Variants in UNC45B observed in about 807,000 individuals in gnomAD.
UNC45B encodes the protein unc-45 myosin chaperone B.
In UNC45B, 78 loss-of-function variants were observed where a neutral mutation model predicts 98.7. The ratio of observed to expected loss-of-function variants is 0.79; its 90% CI spans 0.66 to 0.95. The LOEUF (loss-of-function observed/expected upper bound fraction) is 0.95, where lower values mean the gene tolerates loss of function less well. Ranked by LOEUF, UNC45B falls within the 40% of genes least tolerant of loss-of-function variation. UNC45B has a pLI of 0.00. For synonymous variants in UNC45B, 462 were observed against 480.4 expected, an observed-to-expected ratio of 0.96 and a Z score of 0.50; for missense variants, 1,225 against 1,184.9, an observed-to-expected ratio of 1.03 and a Z score of -0.50.
rs191194153 is a variant in UNC45B at position 35,173,346 on chromosome 17, G to A, written c.1831-896G>A. Among the ~76,000 whole-genome samples, 66 of 151,836 alleles carry A rather than the reference G, an allele frequency of 4.3e-4. No individual in the cohort carries two copies. In the Middle Eastern group the frequency reaches 0.017, roughly 39 times the overall value. ...TCGCCATGTTGCCCAGGCTGGTCTC[G>A]AACTCCTGGGCTCAAGTGGTCCACC... is the stretch of plus-strand genomic sequence containing the variant. On this transcript the variant is annotated intron_variant, in intron 13 of 19. Coordinates refer to ENST00000394570, the MANE Select transcript of UNC45B (RefSeq NM_001267052.2).
Position 35,155,378 on chromosome 17 carries a change from T to C in UNC45B, c.722T>C (p.Val241Ala), listed in dbSNP as rs1369189946. The change falls in exon 7 of 20, where the codon GTC (valine) becomes GCC (alanine). Residue 241 changes from valine to alanine, a missense_variant. Coordinates refer to ENST00000394570, the MANE Select transcript of UNC45B (RefSeq NM_001267052.2). ...GAGAATGAGGAGATGTCTCTGGCTG[T>C]CTGCAACCTGCTCCAAGCCATCATT... ...AVENEEMSLA[V>A]CNLLQAIIDS... The C allele has an allele frequency of 1.2e-6, 2 of 1,614,072 alleles. No individual in the cohort carries two copies. The highest frequency in any genetic ancestry group is 1.1e-5 in the South Asian group (1 of 91,088).
At chr17:35,156,545 G>A (rs2092063153) in intron 7 of UNC45B, among the ~76,000 whole-genome samples, 1 of 152,152 alleles carries the variant, frequency 6.6e-6, no homozygotes, top group Non-Finnish European at 1.5e-5. Context: ...AGAATCGTTT[G>A]AGCCGGGGAG....
At chr17:35,164,298 G>A in intron 9 of UNC45B, 132 bp downstream of exon 9, 1 of 1,165,352 alleles carries the variant, frequency 8.6e-7, no homozygotes, top group Non-Finnish European at 1.2e-6. Flanking sequence ...AAATTTGGGA[G>A]TGGTTTGGCT....
chr17:35,163,181 C>A (rs2092113479), intron 8 of UNC45B, among the ~76,000 whole-genome samples: 1 of 152,192 alleles, frequency 6.6e-6, no homozygotes, highest in Admixed American at 6.5e-5. Context: ...GCTCTTGGCA[C>A]GTAGTAAGTG....
chr17:35,178,936 C>T (rs1347195903), intron 17 of UNC45B, among the ~76,000 whole-genome samples: 6 of 152,186 alleles, frequency 3.9e-5, no homozygotes, highest in African/African-American at 1.2e-4. Flanking sequence ...GTTTTGGTTA[C>T]TGTAGCCTTG....
Position 35,186,281 on chromosome 17 carries a change from C to A in UNC45B, c.2530-18C>A, listed in dbSNP as rs78487791. ...CACTCAAACCTAGCACCTTCCTTAC[C>A]TTTTTCCCTGCCTCCAGACAACCCA... On this transcript the variant is annotated intron_variant, in intron 19 of 19. Transcript: ENST00000394570. 543 of 1,612,428 alleles carry A rather than the reference C, an allele frequency of 3.4e-4. 5 individuals are homozygous for A. The East Asian group carries it at 0.011, about 32-fold the overall frequency.
At position 35,168,205 on chromosome 17, in the gene UNC45B, A is replaced by G; in HGVS notation, c.1296A>G (p.Ser432=). 1 of 1,602,380 alleles carries G rather than the reference A, an allele frequency of 6.2e-7. No individual in the cohort carries two copies. The highest frequency in any genetic ancestry group is 1.1e-5 in the South Asian group (1 of 89,426). Residue 432 remains serine (S), a synonymous_variant, in exon 10 of 20, where the codon TCA becomes TCG. Transcript: ENST00000394570. ...AGATGATGGTGGCACTATGTGGCTCAGAGCGCGAGACGGACCAGCTGGTGG... is the reference window on the plus strand; with the variant it reads ...AGATGATGGTGGCACTATGTGGCTCGGAGCGCGAGACGGACCAGCTGGTGG... ...VMEMMVALCG[S]ERETDQLVAV...
At chr17:35,170,852 T>C (rs1448966362) in intron 12 of UNC45B, among the ~76,000 whole-genome samples, 1 of 151,870 alleles carries the variant, frequency 6.6e-6, no homozygotes, top group African/African-American at 2.4e-5. Context: ...AATAAATAAA[T>C]AAAAGAGGCT....
intron 12 of UNC45B, among the ~76,000 whole-genome samples, chr17:35,170,533 A>AT: frequency 6.9e-6 from 1 of 145,132 alleles, no homozygotes; most frequent in Non-Finnish European, 1.5e-5. Context: ...GGCAGCTAAA[A>AT]AAAAAAAAAA....
At chr17:35,154,766 T>C in intron 6 of UNC45B, 25 bp downstream of exon 6, 1 of 1,553,224 alleles carries the variant, frequency 6.4e-7, no homozygotes, top group Non-Finnish European at 8.6e-7. Flanking sequence ...GTGGGGCATG[T>C]GGAGCAGACG....
In UNC45B at chr17:35,170,226, G is replaced by A. The variant is rs970516286; in HGVS notation, c.1660G>A (p.Ala554Thr). ...VKDDFVQDVPALQAMFELAKT... is the reference protein window; with the variant it reads ...VKDDFVQDVPTLQAMFELAKT... ...GGACGACTTTGTCCAGGACGTCCCTGCCCTGCAGGCCATGTTTGAGCTGGC... is the reference window on the plus strand; with the variant it reads ...GGACGACTTTGTCCAGGACGTCCCTACCCTGCAGGCCATGTTTGAGCTGGC... The change falls in exon 12 of 20, where the codon GCC (alanine) becomes ACC (threonine). Residue 554 changes from alanine (A) to threonine (T), a missense_variant. Physicochemically the swap from Ala to Thr is moderately conservative, Grantham distance 58. Coordinates refer to ENST00000394570, the MANE Select transcript of UNC45B (RefSeq NM_001267052.2). The A allele has an allele frequency of 1.6e-5, 26 of 1,612,290 alleles. No individual in the cohort carries two copies. Among genetic ancestry groups the A allele is most frequent in the Non-Finnish European group, 4.2e-6 (5 of 1,178,818 alleles).
intron 14 of UNC45B, 116 bp downstream of exon 14, chr17:35,174,485 T>C (rs532329699): frequency 1.1e-5 from 16 of 1,426,976 alleles, no homozygotes; most frequent in East Asian, 7.3e-5. Flanking sequence ...AGATAAACTA[T>C]TGGGAAAGCC....
intron 10 of UNC45B, 83 bp downstream of exon 10, chr17:35,168,444 C>A: frequency 8.2e-7 from 1 of 1,224,726 alleles, no homozygotes; most frequent in Non-Finnish European, 1.0e-6. Flanking sequence ...TGAGTTGAGG[C>A]TGCTGTCCTT....
At chr17:35,158,627 C>G (rs570594916) in intron 7 of UNC45B, among the ~76,000 whole-genome samples, 1 of 152,360 alleles carries the variant, frequency 6.6e-6, no homozygotes, top group Admixed American at 6.5e-5. Flanking sequence ...TAGCTTCCAT[C>G]TGCCTCTGGT....
intron 12 of UNC45B, among the ~76,000 whole-genome samples, chr17:35,170,906 C>G (rs534794561): frequency 6.6e-6 from 1 of 152,116 alleles, no homozygotes; most frequent in Non-Finnish European, 1.5e-5. Context: ...CCAGGCCCCC[C>G]CAGACTCCTT....
chr17:35,172,941 C>G (rs1317747706), intron 13 of UNC45B, among the ~76,000 whole-genome samples: 1 of 152,140 alleles, frequency 6.6e-6, no homozygotes, highest in African/African-American at 2.4e-5. Flanking sequence ...GCTCCTCAGG[C>G]TCTGTCTTGG....
chr17:35,156,613 G>A (rs2092063873), intron 7 of UNC45B, among the ~76,000 whole-genome samples: 1 of 151,764 alleles, frequency 6.6e-6, no homozygotes, highest in African/African-American at 2.4e-5. Flanking sequence ...GTGACAGAGT[G>A]AGACTCCGTC....
intron 4 of UNC45B, 103 bp downstream of exon 4, chr17:35,150,326 A>C: frequency 7.9e-7 from 1 of 1,259,272 alleles, no homozygotes; most frequent in Non-Finnish European, 1.1e-6. Context: ...GGCTAGCCCT[A>C]CCTCCACACT....
chr17:35,159,648 T>C, intron 8 of UNC45B, 103 bp downstream of exon 8: 1 of 1,327,280 alleles, frequency 7.5e-7, no homozygotes, highest in Non-Finnish European at 1.0e-6. Context: ...GGGTCTTCAG[T>C]TCTAACTGAA....
Sources: allele counts gnomAD v4.1 joint callset (sites outside exome capture counted in the v4.1 genomes callset), GRCh38; gene constraint gnomAD v4.1.1; transcripts MANE v1.5; gene names NCBI Gene and HGNC (gene_info 2026-07-23, HGNC 2026-07-21).